STAT5A: variants seen among roughly 807,000 people sequenced by gnomAD.
STAT5A encodes epididymis secretory sperm binding protein.
STAT5A carries 26 observed loss-of-function variants against 100.2 expected under a neutral mutation model. The ratio of observed to expected loss-of-function variants is 0.26; its 90% CI spans 0.19 to 0.36. The LOEUF (loss-of-function observed/expected upper bound fraction) is 0.36, where lower values mean the gene tolerates loss of function less well. Among genes scored for constraint, STAT5A ranks in the 10% least tolerant of loss-of-function variants. The probability of loss-of-function intolerance (pLI) is 1.00; values close to 1 mark genes in which losing one functional copy is unlikely to be tolerated. For synonymous variants in STAT5A, 330 were observed against 424.3 expected, an observed-to-expected ratio of 0.78 and a Z score of 2.73; for missense variants, 634 against 1,027.5, an observed-to-expected ratio of 0.62 and a Z score of 5.24.
chr17:42,295,513 AGTTTGGGGTTTGGG>A, intron 4 of STAT5A, 92 bp from the exon 5 acceptor site: 1 of 1,205,584 alleles, frequency 8.3e-7, no homozygotes, highest in South Asian at 1.5e-5. Flanking sequence ...TTCTTACCCT[AGTTTGGGGTTTGGG>A]GTTTGGGGTC....
In STAT5A at chr17:42,304,128, G is replaced by C. The variant is rs778499569; in HGVS notation, c.1170-214G>C. ...CGAGGAATTTCTAATGATAGATCCA[G>C]ACCTCACCACTGGAGACCTTGCCTT... is the stretch of plus-strand genomic sequence containing the variant. On this transcript the variant is annotated intron_variant, in intron 9 of 18. Coordinates refer to ENST00000590949, the MANE Select transcript of STAT5A (RefSeq NM_001288718.2). This position sits in a 1 kb window ranked among gnomAD's most constrained non-coding sequence, Gnocchi z 4.8. 3.9e-4 allele frequency: 225 copies of C among 582,550 alleles called. No individual in the cohort carries two copies. In the Middle Eastern group the frequency reaches 6.4e-3, roughly 17 times the overall value. The allele number at this position is 582,550 out of a possible 1,614,324, so 36.1% of individuals were successfully genotyped here.
At chr17:42,300,611 C>A in intron 7 of STAT5A, 104 bp from the exon 8 acceptor site, 1 of 1,524,992 alleles carries the variant, frequency 6.6e-7, no homozygotes, top group Non-Finnish European at 8.9e-7. Context: ...GGAAGTGTGG[C>A]GAAAGCACAG....
chr17:42,295,543 T>C, intron 4 of STAT5A, 76 bp from the exon 5 acceptor site: 2 of 1,501,992 alleles, frequency 1.3e-6, no homozygotes, highest in Non-Finnish European at 1.8e-6. Context: ...GGGTCTGTAG[T>C]ATTGGTGTTT....
intron 5 of STAT5A, among the ~76,000 whole-genome samples, chr17:42,297,973 G>A (rs9915672): frequency 2.7e-5 from 4 of 150,700 alleles, no homozygotes; most frequent in Non-Finnish European, 4.4e-5. Context: ...AAGCAAGGAC[G>A]CTGGGCTGTT....
intron 9 of STAT5A, 68 bp downstream of exon 9, chr17:42,301,522 T>G: frequency 6.3e-7 from 1 of 1,587,478 alleles, no homozygotes; most frequent in Non-Finnish European, 8.6e-7. Context: ...CGCTTTGTCC[T>G]TGCATCCAGC....
In STAT5A at chr17:42,289,887, T is replaced by TC; in HGVS notation, c.154dup (p.Gln52ProfsTer48). ...CAAGGGATGCCATTGACTTGGACAATCCCCAGGACAGAGCCCAAGCCACCC... is the reference window on the plus strand; with the variant it reads ...CAAGGGATGCCATTGACTTGGACAATCCCCCAGGACAGAGCCCAAGCCACCC... On this transcript the variant is annotated frameshift_variant, in exon 3 of 19. Transcript: ENST00000590949. LOFTEE classifies it high-confidence loss of function. 6.3e-7 allele frequency: 1 copy of TC among 1,578,016 alleles called. No individual in the cohort carries two copies. The highest frequency in any genetic ancestry group is 8.6e-7 in the Non-Finnish European group (1 of 1,161,712).
intron 2 of STAT5A, 149 bp from the exon 3 acceptor site, chr17:42,289,717 C>T (rs2080851577): frequency 7.3e-7 from 1 of 1,376,314 alleles, no homozygotes; most frequent in Admixed American, 2.9e-5. Context: ...TTTTTAGACT[C>T]GGATGTCTGT....
At chr17:42,289,070 G>A (rs2080842498) in intron 1 of STAT5A, 1 of 226,952 alleles carries the variant, frequency 4.4e-6, no homozygotes, top group South Asian at 1.3e-4. Flanking sequence ...TCTCCAGGGG[G>A]CCTGTGGGCC....
rs1192556801 is a variant in STAT5A at position 42,292,047 on chromosome 17, C to G, written c.361C>G (p.Arg121Gly). 1 of 1,613,882 alleles carries G rather than the reference C, an allele frequency of 6.2e-7. No homozygotes were observed. Among genetic ancestry groups the G allele is most frequent in the Non-Finnish European group, 8.5e-7 (1 of 1,179,868 alleles). The change falls in exon 4 of 19, where the codon CGA becomes GGA. Residue 121 changes from arginine (R) to glycine (G), a missense_variant. By Grantham distance (125) the Arg-to-Gly change is moderately radical. Transcript: ENST00000590949. ...HILYNEQRLV[R>G]EANNCSSPAG... Reference sequence around the variant, plus strand: ...TCTGTACAATGAACAGAGGCTGGTCCGAGAAGCCAACAATGTGAGTGTCCC... The same window carrying G: ...TCTGTACAATGAACAGAGGCTGGTCGGAGAAGCCAACAATGTGAGTGTCCC...
chr17:42,294,199 G>C (rs925921297), intron 4 of STAT5A, among the ~76,000 whole-genome samples: 6 of 150,258 alleles, frequency 4.0e-5, no homozygotes, highest in African/African-American at 1.5e-4. Context: ...CTGGGCAACA[G>C]AGCGAGACTC....
chr17:42,300,575 AGG>A, intron 7 of STAT5A, 138 bp from the exon 8 acceptor site: 1 of 755,246 alleles, frequency 1.3e-6, no homozygotes. Context: ...TCTGGGAGGC[AGG>A]GAGCTCTGCT....
Position 42,308,100 on chromosome 17 carries a change from C to T in STAT5A, c.1907-78C>T. On this transcript the variant is annotated intron_variant, in intron 15 of 18. Transcript: ENST00000590949. The surrounding 1 kb of genome is among the most constrained non-coding windows in gnomAD (Gnocchi z 4.6). Reference sequence around the variant, plus strand: ...TATATAAAAGCCCAGATTTCTCTTGCAAGCCTGCCCTAAAGCCCCACAACC... The same window carrying T: ...TATATAAAAGCCCAGATTTCTCTTGTAAGCCTGCCCTAAAGCCCCACAACC... 6.4e-7 allele frequency: 1 copy of T among 1,564,420 alleles called. No homozygotes were observed. The highest frequency in any genetic ancestry group is 2.2e-5 in the East Asian group (1 of 44,450).
rs1363974060 is a variant in STAT5A at position 42,299,809 on chromosome 17, C to T, written c.609C>T (p.Ala203=). ...AGGAGCGTCTGAGCCGGGAGACGGC[C>T]CTCCAGCAGAAGCAGGTGTCTCTGG... is the stretch of plus-strand genomic sequence containing the variant. The part of the protein sequence containing the change: ...SPQERLSRET[A]LQQKQVSLEA... The change falls in exon 6 of 19, where the codon GCC becomes GCT. Residue 203 remains alanine, a synonymous_variant. Transcript: ENST00000590949. 2 of 1,613,706 alleles carry T rather than the reference C, an allele frequency of 1.2e-6. No individual in the cohort carries two copies. Among genetic ancestry groups the T allele is most frequent in the South Asian group, 1.1e-5 (1 of 91,058 alleles).
intron 4 of STAT5A, among the ~76,000 whole-genome samples, 179 bp from the exon 5 acceptor site, chr17:42,295,440 T>C (rs1369942125): frequency 6.6e-6 from 1 of 152,166 alleles, no homozygotes; most frequent in Non-Finnish European, 1.5e-5. Context: ...CCCTTTTCTA[T>C]CCCAATTCTG....
rs913437925 is a variant in STAT5A, at chr17:42,300,198, C to T, written c.750C>T (p.Asp250=). Residue 250 remains aspartate, a synonymous_variant, in exon 7 of 19, where the codon GAC becomes GAT. Coordinates refer to ENST00000590949, the MANE Select transcript of STAT5A (RefSeq NM_001288718.2). ...AGCAGCAGACCATCATCCTGGATGA[C>T]GAGCTGATCCAGTGGAAGCGGCGGC... ...LRKQQTIILD[D]ELIQWKRRQQ... The T allele has an allele frequency of 3.0e-5, 45 of 1,502,578 alleles. 1 individual carries two copies. The highest frequency in any genetic ancestry group is 2.9e-4 in the African/African-American group (20 of 70,142). The allele number at this position is 1,502,578 out of a possible 1,614,324, so 93.1% of individuals were successfully genotyped here. A position where few individuals can be genotyped will look rare whatever the true frequency, so the allele number is the denominator to read the frequency against.
intron 1 of STAT5A, 103 bp from the exon 2 acceptor site, chr17:42,289,299 G>A (rs983530960): frequency 1.4e-4 from 187 of 1,332,368 alleles, no homozygotes; most frequent in East Asian, 1.7e-4. Context: ...GAGGGGCCTG[G>A]CCTGGCCGCG....
In STAT5A at chr17:42,309,386, T is replaced by C. The variant is rs200822916; in HGVS notation, c.2124T>C (p.Asn708=). 2.7e-5 allele frequency: 43 copies of C among 1,612,718 alleles called. No homozygotes were observed. The highest frequency in any genetic ancestry group is 2.0e-4 in the Middle Eastern group (1 of 4,938). The change falls in exon 18 of 19, where the codon AAT becomes AAC. Residue 708 remains asparagine, a synonymous_variant. Coordinates refer to ENST00000590949, the MANE Select transcript of STAT5A (RefSeq NM_001288718.2). ...TCTCTTCCTTCTGCAGGTTTGTGAATGCATCTGCAGATGCTGGGGGCAGCA... is the reference window on the plus strand; with the variant it reads ...TCTCTTCCTTCTGCAGGTTTGTGAACGCATCTGCAGATGCTGGGGGCAGCA... ...QIKQVVPEFV[N]ASADAGGSSA... is the part of the protein sequence containing the mutation.
chr17:42,310,935 G>A lies in STAT5A; in HGVS notation c.*266G>A. ...CTGTCATGGTAGAGACCGAGCCTCT[G>A]TCACTGCAGGCACTCAATGCAGCCA... On this transcript the variant is annotated 3_prime_UTR_variant, in exon 19 of 19. Transcript: ENST00000590949. 1.9e-6 allele frequency: 1 copy of A among 518,012 alleles called. No individual in the cohort carries two copies. The highest frequency in any genetic ancestry group is 3.5e-6 in the Non-Finnish European group (1 of 289,316). 32.1% of individuals were successfully genotyped at this position (518,012 alleles called of 1,614,324 possible).
chr17:42,295,417 C>G (rs995531312), intron 4 of STAT5A, among the ~76,000 whole-genome samples: 5 of 152,100 alleles, frequency 3.3e-5, no homozygotes, highest in African/African-American at 1.2e-4. Flanking sequence ...TCACCTGTTT[C>G]TCCTTTCTCT....
Sources: gnomAD v4.1 joint callset for allele counts (sites outside exome capture counted in the v4.1 genomes callset) on GRCh38, gnomAD v4.1.1 for gene constraint, Gnocchi (gnomAD v3.1) non-coding constraint, MANE v1.5 for transcripts, NCBI Gene and HGNC (gene_info 2026-07-23, HGNC 2026-07-21) for gene names.